SOX5: variants seen among roughly 807,000 people sequenced by gnomAD.
SOX5 encodes SRY-box transcription factor 5.
A neutral mutation model predicts 92.0 loss-of-function variants in SOX5; 9 were observed. The observed-to-expected ratio is 0.10, with a 90% CI of 0.06 to 0.17. The LOEUF (loss-of-function observed/expected upper bound fraction) is 0.17, where lower values mean the gene tolerates loss of function less well. SOX5 is among the 10% of genes least tolerant of loss of function. SOX5 has a pLI of 1.00. For synonymous variants in SOX5, 344 were observed against 336.3 expected (o/e 1.02, Z -0.25); for missense variants, 642 against 944.5 (o/e 0.68, Z 4.20).
intron 1 of SOX5, among the ~76,000 whole-genome samples, chr12:24,532,585 C>T (rs919461379): frequency 1.2e-4 from 18 of 152,198 alleles, no homozygotes; most frequent in African/African-American, 4.3e-4. Flanking sequence ...AGTGGGTATA[C>T]TTTAAATTTT....
In SOX5 at chr12:24,468,844, C is replaced by T. The variant is rs113531340; in HGVS notation, c.-251+93485G>A. On this transcript the variant is annotated intron_variant, in intron 1 of 4. Transcript: ENST00000446891. ...TATTTTTACATCAACAGTCACCATG[C>T]CTGGCCTATTTCCATCTTAACTTTT... Among the ~76,000 whole-genome samples, 614 of 152,254 alleles carry T rather than the reference C, an allele frequency of 4.0e-3. 4 individuals are homozygous for T. Among genetic ancestry groups the T allele is most frequent in the Middle Eastern group, 0.017 (5 of 292 alleles).
chr12:23,549,962 C>T (rs1943881942), intron 11 of SOX5, among the ~76,000 whole-genome samples: 1 of 151,914 alleles, frequency 6.6e-6, no homozygotes. Context: ...TGAGTAACTC[C>T]AAAATCTGAC....
chr12:24,252,104 G>C (rs927365911), intron 3 of SOX5, among the ~76,000 whole-genome samples: 7 of 152,064 alleles, frequency 4.6e-5, no homozygotes, highest in Non-Finnish European at 1.0e-4. Flanking sequence ...GAAATGGTGG[G>C]AAAAGAAAGA....
intron 3 of SOX5, among the ~76,000 whole-genome samples, chr12:23,828,089 A>G (rs528118182): frequency 2.6e-5 from 4 of 152,302 alleles, no homozygotes; most frequent in Admixed American, 2.6e-4. Context: ...TTATAATACC[A>G]TATTTCTACT....
At chr12:23,949,454 A>T (rs1009713401) in intron 1 of SOX5, 110 bp downstream of exon 1, 19 of 1,306,730 alleles carry the variant, frequency 1.5e-5, no homozygotes, top group Admixed American at 3.4e-5. Flanking sequence ...CCCTAGCTAA[A>T]GGCTTCTCTA....
chr12:24,153,174 A>G (rs963991004), intron 4 of SOX5, among the ~76,000 whole-genome samples: 1 of 152,158 alleles, frequency 6.6e-6, no homozygotes, highest in African/African-American at 2.4e-5. Flanking sequence ...TCACAAGCAG[A>G]CAAAGAAATT....
At chr12:24,350,067 A>G (rs1006801344) in intron 2 of SOX5, among the ~76,000 whole-genome samples, 2 of 152,366 alleles carry the variant, frequency 1.3e-5, no homozygotes, top group Non-Finnish European at 2.9e-5. Context: ...CCAATCTAAA[A>G]GATGGAACAG....
chr12:24,297,817 T>C (rs752365670), intron 2 of SOX5, among the ~76,000 whole-genome samples: 1 of 152,186 alleles, frequency 6.6e-6, no homozygotes, highest in Non-Finnish European at 1.5e-5. Context: ...CACTGTCTGC[T>C]GGGCAGGAGT....
intron 2 of SOX5, among the ~76,000 whole-genome samples, chr12:24,317,366 TC>T (rs1398494779): frequency 6.6e-6 from 1 of 152,228 alleles, no homozygotes; most frequent in Non-Finnish European, 1.5e-5. Flanking sequence ...AGTACATTTG[TC>T]TAAAATAAAA....
At chr12:23,962,690 AC>A (rs1471835799) in intron 4 of SOX5, among the ~76,000 whole-genome samples, 1 of 152,214 alleles carries the variant, frequency 6.6e-6, no homozygotes, top group Non-Finnish European at 1.5e-5. Flanking sequence ...TTAGGCAGGC[AC>A]TGCTATTTTG....
rs192465415 is a variant in SOX5 at position 23,649,918 on chromosome 12, C to T, written c.932-9021G>A. Among the ~76,000 whole-genome samples the T allele has an allele frequency of 1.2e-3, 185 of 152,238 alleles. 1 individual carries two copies. The highest frequency in any genetic ancestry group is 4.0e-3 in the African/African-American group (166 of 41,574). On this transcript the variant is annotated intron_variant, in intron 7 of 14. Transcript: ENST00000451604. Reference sequence around the variant, plus strand: ...CAAGACTCAACAATACACACTCTTTCATCTACTGAACTAATGCAAAAGTTT... The same window carrying T: ...CAAGACTCAACAATACACACTCTTTTATCTACTGAACTAATGCAAAAGTTT...
chr12:24,301,924 G>A (rs1948001188), intron 2 of SOX5, among the ~76,000 whole-genome samples: 1 of 151,992 alleles, frequency 6.6e-6, no homozygotes. Context: ...GATGAGACAA[G>A]AAGTAATAGT....
At position 23,575,555 on chromosome 12, in the gene SOX5, T is replaced by C. The variant is rs1948986071; in HGVS notation, c.1342+106A>G. On this transcript the variant is annotated intron_variant, in intron 10 of 14. Coordinates refer to ENST00000451604, the MANE Select transcript of SOX5 (RefSeq NM_006940.6). Reference sequence around the variant, plus strand: ...GGTTCCTCAAATTGAAGCTGTCCTATAGAATTCAAGCCGTGTATAGAGTGG... The same window carrying C: ...GGTTCCTCAAATTGAAGCTGTCCTACAGAATTCAAGCCGTGTATAGAGTGG... 15 of 1,045,938 alleles carry C rather than the reference T, an allele frequency of 1.4e-5. No homozygotes were observed. The South Asian group carries it at 1.6e-4, about 11-fold the overall frequency. The allele number at this position is 1,045,938 out of a possible 1,614,324, so 64.8% of individuals were successfully genotyped here.
intron 1 of SOX5, among the ~76,000 whole-genome samples, chr12:23,947,005 A>G (rs980967917): frequency 1.1e-4 from 16 of 151,994 alleles, no homozygotes; most frequent in African/African-American, 3.9e-4. Flanking sequence ...ATGATAATAT[A>G]GACATATACA....
At chr12:23,591,923 T>A (rs947142415) in intron 9 of SOX5, among the ~76,000 whole-genome samples, 2 of 152,200 alleles carry the variant, frequency 1.3e-5, no homozygotes, top group East Asian at 3.8e-4. Flanking sequence ...TTTCTATTTC[T>A]GGTCTCAATT....
intron 13 of SOX5, among the ~76,000 whole-genome samples, chr12:23,540,402 T>TAAA (rs869253800): frequency 1.4e-4 from 19 of 139,750 alleles, no homozygotes; most frequent in South Asian, 4.5e-4. Flanking sequence ...ATAATAATAA[T>TAAA]AAAAAGCAGA....
intron 6 of SOX5, among the ~76,000 whole-genome samples, chr12:23,670,494 A>G (rs994614976): frequency 1.3e-5 from 2 of 152,126 alleles, no homozygotes; most frequent in South Asian, 4.1e-4. Context: ...CAAATGTAGG[A>G]AAGAGAGAAA....
At chr12:24,297,351 A>AT (rs1339641992) in intron 2 of SOX5, among the ~76,000 whole-genome samples, 1 of 152,104 alleles carries the variant, frequency 6.6e-6, no homozygotes, top group Non-Finnish European at 1.5e-5. Flanking sequence ...CCATTCTCAG[A>AT]TTTTTTTCTT....
intron 1 of SOX5, among the ~76,000 whole-genome samples, chr12:24,436,245 A>G (rs530042716): frequency 6.6e-6 from 1 of 152,342 alleles, no homozygotes; most frequent in East Asian, 1.9e-4. Context: ...TGTCAAAGCC[A>G]AGACAGGCTG....
Sources: allele counts gnomAD v4.1 joint callset (sites outside exome capture counted in the v4.1 genomes callset), GRCh38; gene constraint gnomAD v4.1.1; transcripts MANE v1.5; gene names NCBI Gene and HGNC (gene_info 2026-07-23, HGNC 2026-07-21).